TSPAN18: variants seen among roughly 807,000 people sequenced by gnomAD.
The protein encoded by TSPAN18 is tetraspanin 18.
Under a neutral mutation model 27.3 loss-of-function variants are expected in TSPAN18, and 14 were observed. That is an observed-to-expected ratio of 0.51 (90% confidence interval 0.34 to 0.80). The LOEUF is 0.80. Ranked by LOEUF, TSPAN18 falls within the 30% of genes least tolerant of loss-of-function variation. TSPAN18 has a pLI of 0.01. For synonymous variants in TSPAN18, 143 were observed against 136.5 expected (o/e 1.05, Z -0.33); for missense variants, 268 against 323.9 (o/e 0.83, Z 1.32).
At chr11:44,776,145 G>C (rs1347870408) in intron 2 of TSPAN18, among the ~76,000 whole-genome samples, 1 of 152,150 alleles carries the variant, frequency 6.6e-6, no homozygotes, top group African/African-American at 2.4e-5. Context: ...AGTGCAGGCT[G>C]GTGTGCTCTG....
chr11:44,821,330 G>A (rs538081631), intron 2 of TSPAN18, among the ~76,000 whole-genome samples: 16 of 152,272 alleles, frequency 1.1e-4, no homozygotes, highest in South Asian at 4.1e-4. Flanking sequence ...TGTTTCTCAC[G>A]GGGCTAAAAT....
intron 4 of TSPAN18, among the ~76,000 whole-genome samples, chr11:44,908,910 G>A: frequency 6.6e-6 from 1 of 152,060 alleles, no homozygotes; most frequent in East Asian, 1.9e-4. Flanking sequence ...TTAGGATGAA[G>A]GTGTTTGAGT....
chr11:44,874,985 T>C (rs1390720417), intron 3 of TSPAN18, among the ~76,000 whole-genome samples: 2 of 152,174 alleles, frequency 1.3e-5, no homozygotes, highest in African/African-American at 4.8e-5. Context: ...AGAATCAGCA[T>C]TAAATTGGGG....
intron 8 of TSPAN18, among the ~76,000 whole-genome samples, chr11:44,922,134 T>TTTTTTA (rs1860165324): frequency 1.5e-5 from 2 of 133,834 alleles, no homozygotes; most frequent in Admixed American, 7.8e-5. Context: ...TTTTTTTTTT[T>TTTTTTA]GAGACTGAGT....
chr11:44,784,201 C>G (rs1020980405), intron 2 of TSPAN18, among the ~76,000 whole-genome samples: 16 of 152,210 alleles, frequency 1.1e-4, no homozygotes, highest in African/African-American at 3.9e-4. Flanking sequence ...GAGTCCCCTT[C>G]TGGGGCAGAC....
At chr11:44,748,050 C>T (rs1057460751) in intron 1 of TSPAN18, among the ~76,000 whole-genome samples, 4 of 152,214 alleles carry the variant, frequency 2.6e-5, no homozygotes, top group Admixed American at 2.6e-4. Context: ...AGTCACTCAG[C>T]CTCTCTGGGC....
chr11:44,909,631 G>T, intron 4 of TSPAN18, 74 bp from the exon 5 acceptor site: 1 of 1,492,158 alleles, frequency 6.7e-7, no homozygotes, highest in African/African-American at 1.4e-5. Context: ...TGGCTCAGGG[G>T]AGTGGTGGGT....
Position 44,863,579 on chromosome 11 carries a change from GCATT to G in TSPAN18, c.-11+3111_-11+3114del, listed in dbSNP as rs577484621. ...AGCTTAGGGCTCATTTTCACTTAGA[GCATT>G]GCAAGCAGCTGCCCTAGTGGCATAC... On this transcript the variant is annotated intron_variant, in intron 3 of 9. Coordinates refer to ENST00000520358, the MANE Select transcript of TSPAN18 (RefSeq NM_130783.5). Among the ~76,000 whole-genome samples, 435 of 152,300 alleles carry G rather than the reference GCATT, an allele frequency of 2.9e-3. 3 individuals carry two copies. The highest frequency in any genetic ancestry group is 0.01 in the African/African-American group (421 of 41,562).
chr11:44,846,612 G>GTGTGTGTGTGTGTGTGTCTA (rs1268460593), intron 2 of TSPAN18, among the ~76,000 whole-genome samples: 2 of 152,098 alleles, frequency 1.3e-5, no homozygotes, highest in African/African-American at 4.8e-5. Flanking sequence ...GTGTTTGTGT[G>GTGTGTGTGTGTGTGTGTCTA]TGTGTCTATG....
chr11:44,761,369 G>A (rs528223937), intron 1 of TSPAN18, among the ~76,000 whole-genome samples: 2 of 152,264 alleles, frequency 1.3e-5, no homozygotes, highest in African/African-American at 4.8e-5. Context: ...TCTAACATCT[G>A]TAGTGACTCC....
Position 44,907,186 on chromosome 11 carries a change from C to A in TSPAN18, c.63+707C>A, listed in dbSNP as rs144222681. Among the ~76,000 whole-genome samples the A allele has an allele frequency of 6.4e-3, 968 of 152,310 alleles. 7 individuals are homozygous for A. The highest frequency in any genetic ancestry group is 0.022 in the African/African-American group (902 of 41,570). ...GTGGCCGGCCCACCTGCTGGCGGCCCACCCACATGCTGAGCCCACCCACCT... is the reference window on the plus strand; with the variant it reads ...GTGGCCGGCCCACCTGCTGGCGGCCAACCCACATGCTGAGCCCACCCACCT... On this transcript the variant is annotated intron_variant, in intron 4 of 9. Coordinates refer to ENST00000520358, the MANE Select transcript of TSPAN18 (RefSeq NM_130783.5).
intron 1 of TSPAN18, among the ~76,000 whole-genome samples, chr11:44,730,488 G>A (rs1590396165): frequency 6.6e-6 from 1 of 152,244 alleles, no homozygotes; most frequent in African/African-American, 2.4e-5. Flanking sequence ...AGCAGATGAC[G>A]CCCATTGATC....
At chr11:44,862,489 C>G (rs548975448) in intron 3 of TSPAN18, among the ~76,000 whole-genome samples, 21 of 152,336 alleles carry the variant, frequency 1.4e-4, no homozygotes, top group African/African-American at 5.1e-4. Flanking sequence ...ACCACCCTGC[C>G]TTATATGGTG....
intron 2 of TSPAN18, among the ~76,000 whole-genome samples, chr11:44,821,205 A>C (rs1398661872): frequency 2.0e-5 from 3 of 152,228 alleles, no homozygotes; most frequent in Admixed American, 6.5e-5. Context: ...AATAAGCCTG[A>C]GAGATCATCG....
At chr11:44,838,782 T>G (rs1383576180) in intron 2 of TSPAN18, among the ~76,000 whole-genome samples, 3 of 152,196 alleles carry the variant, frequency 2.0e-5, no homozygotes, top group African/African-American at 7.2e-5. Context: ...CTGCAGACAC[T>G]GTGTACCATT....
At chr11:44,799,649 C>T (rs1856432289) in intron 2 of TSPAN18, among the ~76,000 whole-genome samples, 1 of 152,176 alleles carries the variant, frequency 6.6e-6, no homozygotes. Flanking sequence ...TCTGTGGTCA[C>T]AGCAACCCAT....
intron 2 of TSPAN18, among the ~76,000 whole-genome samples, chr11:44,827,233 C>T (rs796385810): frequency 6.6e-6 from 1 of 152,224 alleles, no homozygotes; most frequent in Non-Finnish European, 1.5e-5. Flanking sequence ...CTCTAGGCCC[C>T]GGAGTTGCTT....
intron 2 of TSPAN18, among the ~76,000 whole-genome samples, chr11:44,823,523 G>A (rs1426458006): frequency 6.6e-6 from 1 of 152,122 alleles, no homozygotes; most frequent in Non-Finnish European, 1.5e-5. Flanking sequence ...CCACTCAAAG[G>A]TGGGCACAAC....
At chr11:44,868,814 G>A (rs1049615294) in intron 3 of TSPAN18, among the ~76,000 whole-genome samples, 4 of 152,246 alleles carry the variant, frequency 2.6e-5, no homozygotes, top group Non-Finnish European at 5.9e-5. Flanking sequence ...GAAATAGGCC[G>A]CTGGCTGGAG....
Sources: gnomAD v4.1 joint callset for allele counts (sites outside exome capture counted in the v4.1 genomes callset) on GRCh38, gnomAD v4.1.1 for gene constraint, MANE v1.5 for transcripts, NCBI Gene and HGNC (gene_info 2026-07-23, HGNC 2026-07-21) for gene names.